ROR2: variants seen among roughly 807,000 people sequenced by gnomAD.
The protein encoded by ROR2 is ROR family WNT receptor 2.
ROR2 carries 33 observed loss-of-function variants against 74.9 expected under a neutral mutation model. The ratio of observed to expected loss-of-function variants is 0.44; its 90% CI spans 0.33 to 0.59. The LOEUF is 0.59. ROR2 is among the 20% of genes least tolerant of loss of function. The pLI is 0.02. For missense variants in ROR2, 1,216 were observed against 1,313.8 expected, an observed-to-expected ratio of 0.93 and a Z score of 1.15; for synonymous variants, 586 against 558.7, an observed-to-expected ratio of 1.05 and a Z score of -0.69.
At chr9:91,873,814 T>A (rs952925284) in intron 1 of ROR2, among the ~76,000 whole-genome samples, 1 of 152,206 alleles carries the variant, frequency 6.6e-6, no homozygotes, top group Non-Finnish European at 1.5e-5. Flanking sequence ...AGCCGTGTTC[T>A]ACATCCAGAT....
intron 1 of ROR2, among the ~76,000 whole-genome samples, chr9:91,847,401 C>T (rs940610379): frequency 6.6e-6 from 1 of 152,230 alleles, no homozygotes; most frequent in South Asian, 2.1e-4. Flanking sequence ...CCCTCGACGC[C>T]CCCTTGCTCC....
At chr9:91,941,163 A>C (rs1415713967) in intron 1 of ROR2, among the ~76,000 whole-genome samples, 1 of 151,204 alleles carries the variant, frequency 6.6e-6, no homozygotes, top group East Asian at 1.9e-4. Flanking sequence ...GTGCCCAGCT[A>C]ATTTTTTGTA....
At chr9:91,903,715 CAACTCTGTAGACAAAGAGG>C (rs1366844543) in intron 1 of ROR2, among the ~76,000 whole-genome samples, 1 of 152,144 alleles carries the variant, frequency 6.6e-6, no homozygotes, top group East Asian at 1.9e-4. Context: ...GAGCATTCGA[CAACTCTGTAGACAAAGAGG>C]AACAAAAACA....
At chr9:91,811,355 T>C (rs1265665513) in intron 1 of ROR2, among the ~76,000 whole-genome samples, 1 of 152,200 alleles carries the variant, frequency 6.6e-6, no homozygotes, top group Non-Finnish European at 1.5e-5. Context: ...ATTCGGCCCG[T>C]GTGGAAAGCT....
At chr9:91,757,785 G>A (rs1403096690) in intron 2 of ROR2, among the ~76,000 whole-genome samples, 1 of 152,120 alleles carries the variant, frequency 6.6e-6, no homozygotes, top group Non-Finnish European at 1.5e-5. Flanking sequence ...AAATTCCTGT[G>A]AGCCTCTCGT....
At chr9:91,845,989 C>T (rs1399116895) in intron 1 of ROR2, among the ~76,000 whole-genome samples, 1 of 151,066 alleles carries the variant, frequency 6.6e-6, no homozygotes, top group Admixed American at 6.6e-5. Context: ...AAGCAGCTGG[C>T]AGAAGAAGCA....
chr9:91,928,392 T>C (rs1366640615), intron 1 of ROR2, among the ~76,000 whole-genome samples: 2 of 152,200 alleles, frequency 1.3e-5, no homozygotes, highest in Non-Finnish European at 2.9e-5. Flanking sequence ...AATCTTTCCA[T>C]GTAAAATCCC....
intron 4 of ROR2, among the ~76,000 whole-genome samples, chr9:91,750,508 C>G (rs1170331088): frequency 6.6e-6 from 1 of 152,222 alleles, no homozygotes; most frequent in African/African-American, 2.4e-5. Context: ...CAGCTCCCTG[C>G]ACTTGGGACA....
intron 1 of ROR2, among the ~76,000 whole-genome samples, chr9:91,798,473 A>AATGACACCCTGGGATCTGTG (rs1827258620): frequency 1.2e-5 from 1 of 86,674 alleles, no homozygotes; most frequent in Non-Finnish European, 2.1e-5. Context: ...TGGGCTCTGT[A>AATGACACCCTGGGATCTGTG]GGTGGGGAAT....
chr9:91,723,566 T>G lies in ROR2; in HGVS notation c.*96A>C. The G allele has an allele frequency of 6.5e-7, 1 of 1,528,508 alleles. No homozygotes were observed. The highest frequency in any genetic ancestry group is 8.8e-7 in the Non-Finnish European group (1 of 1,136,264). 94.7% of individuals were successfully genotyped at this position (1,528,508 alleles called of 1,614,324 possible). On this transcript the variant is annotated 3_prime_UTR_variant, in exon 9 of 9. Transcript: ENST00000375708. Reference sequence around the variant, plus strand: ...ACAAGCCCACTGGCCGGCGGGCTCTTGTGATTGCTGAGTATGGTGTCTTCT... The same window carrying G: ...ACAAGCCCACTGGCCGGCGGGCTCTGGTGATTGCTGAGTATGGTGTCTTCT...
intron 1 of ROR2, among the ~76,000 whole-genome samples, chr9:91,812,275 G>A (rs947892063): frequency 6.6e-6 from 1 of 152,108 alleles, no homozygotes; most frequent in Non-Finnish European, 1.5e-5. Flanking sequence ...ACATCTCTTG[G>A]AAGTAGAGAT....
At chr9:91,825,225 G>T (rs138564427) in intron 1 of ROR2, among the ~76,000 whole-genome samples, 1 of 152,194 alleles carries the variant, frequency 6.6e-6, no homozygotes, top group Non-Finnish European at 1.5e-5. Context: ...CTGAGGACAC[G>T]CAATAAAGTT....
At chr9:91,934,227 T>G (rs2049704) in intron 1 of ROR2, among the ~76,000 whole-genome samples, 4,596 of 152,314 alleles carry the variant, frequency 0.03, 127 homozygotes, top group South Asian at 0.11. Flanking sequence ...GGTTTTTTCT[T>G]GTTTTTTACT....
chr9:91,924,066 T>C (rs1268127582), intron 1 of ROR2: 2 of 152,540 alleles, frequency 1.3e-5, no homozygotes, highest in Admixed American at 1.3e-4. Context: ...ACTACAACAT[T>C]GGCAGCTGAT....
chr9:91,809,672 C>A (rs1319227309), intron 1 of ROR2, among the ~76,000 whole-genome samples: 3 of 152,242 alleles, frequency 2.0e-5, no homozygotes, highest in Non-Finnish European at 4.4e-5. Flanking sequence ...CACAGACATG[C>A]AGCAACATCT....
chr9:91,763,656 G>A (rs1825980993), intron 2 of ROR2, among the ~76,000 whole-genome samples: 2 of 152,222 alleles, frequency 1.3e-5, no homozygotes, highest in South Asian at 2.1e-4. Context: ...TCCAACTTCT[G>A]TAGTTAATTC....
intron 1 of ROR2, among the ~76,000 whole-genome samples, chr9:91,838,268 CA>C (rs893410756): frequency 2.6e-5 from 4 of 152,312 alleles, no homozygotes; most frequent in South Asian, 4.1e-4. Context: ...CAGGCACCAC[CA>C]GGCCATTTCT....
intron 2 of ROR2, among the ~76,000 whole-genome samples, chr9:91,768,173 C>T (rs1826118327): frequency 6.6e-6 from 1 of 152,206 alleles, no homozygotes; most frequent in Non-Finnish European, 1.5e-5. Context: ...TCAGAAGGAA[C>T]CGACTCTGCC....
At chr9:91,884,448 T>TA (rs1221906169) in intron 1 of ROR2, among the ~76,000 whole-genome samples, 2 of 148,282 alleles carry the variant, frequency 1.3e-5, no homozygotes, top group Non-Finnish European at 3.0e-5. Flanking sequence ...AAGAATTACT[T>TA]ACTCTCCACT....
Sources: gnomAD v4.1 joint callset for allele counts (sites outside exome capture counted in the v4.1 genomes callset) on GRCh38, gnomAD v4.1.1 for gene constraint, MANE v1.5 for transcripts, NCBI Gene and HGNC (gene_info 2026-07-23, HGNC 2026-07-21) for gene names.